The following PCNX2 variants were observed in gnomAD, a reference collection of about 807,000 sequenced individuals.
PCNX2 encodes pecanex 2, also known as pecanex-like protein 2.
PCNX2 carries 168 observed loss-of-function variants against 223.8 expected under a neutral mutation model. The ratio of observed to expected loss-of-function variants is 0.75; its 90% CI spans 0.66 to 0.85. The LOEUF is 0.85. Ranked by LOEUF, PCNX2 falls within the 40% of genes least tolerant of loss-of-function variation. PCNX2 has a pLI of 0.00. For missense variants in PCNX2, 2,507 were observed against 2,675.5 expected (o/e 0.94, Z 1.39); for synonymous variants, 1,006 against 1,052.6 (o/e 0.96, Z 0.86).
chr1:233,195,598 A>G (rs1308467849), intron 15 of PCNX2, among the ~76,000 whole-genome samples: 2 of 152,242 alleles, frequency 1.3e-5, no homozygotes, highest in Admixed American at 6.5e-5. Flanking sequence ...ACATTTGTTT[A>G]GCAAGCTTGC....
At chr1:233,274,539 A>G (rs771649390) in intron 1 of PCNX2, among the ~76,000 whole-genome samples, 10 of 152,248 alleles carry the variant, frequency 6.6e-5, no homozygotes, top group Non-Finnish European at 1.5e-4. Context: ...AAAGTCAAGC[A>G]TGAGAGTAGA....
At chr1:233,235,957 A>AAAAAATATAT (rs369886650) in intron 9 of PCNX2, among the ~76,000 whole-genome samples, 2,153 of 92,968 alleles carry the variant, frequency 0.023, 35 homozygotes, top group Middle Eastern at 0.063. Flanking sequence ...CATAAAAAAA[A>AAAAAATATAT]ATATATATAT....
intron 21 of PCNX2, among the ~76,000 whole-genome samples, chr1:233,122,598 A>C (rs1410613571): frequency 6.6e-6 from 1 of 150,458 alleles, no homozygotes; most frequent in Non-Finnish European, 1.5e-5. Context: ...ATCTTGGCTC[A>C]CTGCAACCTC....
chr1:233,171,975 G>T (rs894866902), intron 17 of PCNX2, among the ~76,000 whole-genome samples: 3 of 152,102 alleles, frequency 2.0e-5, no homozygotes, highest in African/African-American at 4.8e-5. Context: ...TCTCCCATGT[G>T]TGGGGTGTGT....
At chr1:233,152,903 G>A (rs996054169) in intron 19 of PCNX2, among the ~76,000 whole-genome samples, 5 of 151,726 alleles carry the variant, frequency 3.3e-5, no homozygotes, top group African/African-American at 1.2e-4. Context: ...TTTAATGTAG[G>A]AATTCCCAAT....
At chr1:233,133,558 T>C (rs1676631455) in intron 21 of PCNX2, among the ~76,000 whole-genome samples, 1 of 152,082 alleles carries the variant, frequency 6.6e-6, no homozygotes, top group South Asian at 2.1e-4. Flanking sequence ...CAATTGGAGT[T>C]ATAAGAGGAA....
chr1:232,986,394 G>A lies in PCNX2; in HGVS notation c.5938C>T (p.Leu1980Phe), dbSNP rs1669484151. The stretch of plus-strand genomic sequence containing the variant: ...TGCAAGGAGAGCCGGCTGCCCGAGA[G>A]CCTCTGGGCCAGCTCGTGCACTGAG... ...STSVHELAQRLSGSRLSLHAS... is the reference protein window; with the variant it reads ...STSVHELAQRFSGSRLSLHAS... Residue 1980 changes from leucine (L) to phenylalanine (F), a missense_variant, in exon 33 of 34, where the codon CTC (leucine) becomes TTC (phenylalanine). Around this residue, in one of 3 missense-constraint regions of PCNX2, gnomAD observed 1,372 missense variants for 1,509.4 expected, o/e 0.91. Transcript: ENST00000258229. 6.2e-7 allele frequency: 1 copy of A among 1,603,838 alleles called. No homozygotes were observed. The highest frequency in any genetic ancestry group is 8.5e-7 in the Non-Finnish European group (1 of 1,175,006).
chr1:233,254,282 G>C (rs552493087), intron 5 of PCNX2, among the ~76,000 whole-genome samples: 1 of 152,292 alleles, frequency 6.6e-6, no homozygotes, highest in Admixed American at 6.5e-5. Flanking sequence ...TGTCAAGATA[G>C]AAGTTTTCAC....
chr1:233,170,803 G>C (rs541529549), intron 17 of PCNX2, among the ~76,000 whole-genome samples: 3 of 151,914 alleles, frequency 2.0e-5, no homozygotes, highest in Non-Finnish European at 2.9e-5. Flanking sequence ...TTAGTTTTCC[G>C]TTTTTCCCTC....
intron 25 of PCNX2, among the ~76,000 whole-genome samples, chr1:233,043,852 G>C (rs965488422): frequency 2.6e-5 from 4 of 151,162 alleles, no homozygotes; most frequent in African/African-American, 9.8e-5. Flanking sequence ...ATTGTGAATA[G>C]TGCCACAACA....
At chr1:233,100,614 G>T (rs1046703044) in intron 21 of PCNX2, among the ~76,000 whole-genome samples, 1 of 152,028 alleles carries the variant, frequency 6.6e-6, no homozygotes, top group Non-Finnish European at 1.5e-5. Flanking sequence ...TCCAAATAAA[G>T]GTGACCCCAA....
intron 15 of PCNX2, among the ~76,000 whole-genome samples, chr1:233,183,856 C>T (rs1679946529): frequency 6.6e-6 from 1 of 152,200 alleles, no homozygotes; most frequent in African/African-American, 2.4e-5. Context: ...AAGTGGATCC[C>T]TGCACACAAA....
intron 1 of PCNX2, chr1:233,289,470 C>T (rs150867604): frequency 0.013 from 13,559 of 1,052,680 alleles, 127 homozygotes; most frequent in South Asian, 0.025. Context: ...GGAGAACTTG[C>T]CGAGCGCCGG....
At chr1:233,249,858 A>T (rs1395557609) in intron 8 of PCNX2, among the ~76,000 whole-genome samples, 1 of 152,220 alleles carries the variant, frequency 6.6e-6, no homozygotes, top group Non-Finnish European at 1.5e-5. Context: ...TTCCACCTGG[A>T]GGCCAGAATG....
chr1:233,173,860 A>T (rs1319043935), intron 17 of PCNX2, among the ~76,000 whole-genome samples: 2 of 151,932 alleles, frequency 1.3e-5, no homozygotes, highest in Non-Finnish European at 2.9e-5. Context: ...CTGGTATGTT[A>T]GAAAGTTCTT....
intron 21 of PCNX2, among the ~76,000 whole-genome samples, chr1:233,129,156 G>C (rs2102752091): frequency 6.6e-6 from 1 of 152,364 alleles, no homozygotes; most frequent in South Asian, 2.1e-4. Flanking sequence ...GGCTGTGCGT[G>C]GCGCTTGTGG....
chr1:233,152,790 C>T (rs114481049), intron 19 of PCNX2, among the ~76,000 whole-genome samples: 1,543 of 152,312 alleles, frequency 0.01, 26 homozygotes, highest in African/African-American at 0.035. Flanking sequence ...ACTGATGAGA[C>T]TTCAGAACCC....
chr1:233,206,067 G>A (rs933357341), intron 13 of PCNX2, among the ~76,000 whole-genome samples: 3 of 152,046 alleles, frequency 2.0e-5, no homozygotes, highest in Admixed American at 6.6e-5. Context: ...GTGAGAAGGG[G>A]ATGAGAAAGG....
At chr1:233,088,417 T>G (rs1673706219) in intron 23 of PCNX2, among the ~76,000 whole-genome samples, 1 of 152,170 alleles carries the variant, frequency 6.6e-6, no homozygotes, top group South Asian at 2.1e-4. Flanking sequence ...ATTTGCACTT[T>G]CCAGAAGCAT....
Sources: gnomAD v4.1 joint callset for allele counts (sites outside exome capture counted in the v4.1 genomes callset) on GRCh38, gnomAD v4.1.1 for gene constraint, gnomAD v4.1.1 regional missense constraint, MANE v1.5 for transcripts, NCBI Gene and HGNC (gene_info 2026-07-23, HGNC 2026-07-21) for gene names.